Variants in SKP1 observed in about 807,000 individuals in gnomAD.
The protein encoded by SKP1 is S-phase kinase associated protein 1, also known as S-phase kinase-associated protein 1.
SKP1 carries 1 observed loss-of-function variant against 21.5 expected under a neutral mutation model. The ratio of observed to expected loss-of-function variants is 0.05; its 90% CI spans 0.02 to 0.22. SKP1 has a LOEUF of 0.22. Ranked by LOEUF, SKP1 falls within the 10% of genes least tolerant of loss-of-function variation. The probability of loss-of-function intolerance (pLI) is 1.00; values close to 1 mark genes in which losing one functional copy is unlikely to be tolerated. For synonymous variants in SKP1, 59 were observed against 59.3 expected (o/e 0.99, Z 0.03); for missense variants, 70 against 192.0 (o/e 0.36, Z 3.76).
intron 3 of SKP1, among the ~76,000 whole-genome samples, chr5:134,166,804 A>T (rs1263362318): frequency 6.6e-6 from 1 of 152,172 alleles, no homozygotes; most frequent in Admixed American, 6.5e-5. Flanking sequence ...CATGCTCTAG[A>T]AGTGGTATCT....
intron 3 of SKP1, among the ~76,000 whole-genome samples, chr5:134,166,580 C>CAAGAA (rs1761336593): frequency 1.9e-5 from 1 of 52,528 alleles, no homozygotes; most frequent in Non-Finnish European, 3.1e-5. Context: ...ACTCTGGTCT[C>CAAGAA]AAAAAAAAAA....
chr5:134,158,197 A>G lies in SKP1; in HGVS notation c.456+258T>C, dbSNP rs17167331. The stretch of plus-strand genomic sequence containing the variant: ...GTCTATACAGAAAGTTGCAGGTGCC[A>G]AAACTAGTAACTGTTAATACATTAA... On this transcript the variant is annotated intron_variant, in intron 5 of 5. Coordinates refer to ENST00000353411, the MANE Select transcript of SKP1 (RefSeq NM_170679.3). The G allele has an allele frequency of 0.012, 16,965 of 1,404,792 alleles. 933 individuals carry two copies. The African/African-American group carries it at 0.16, about 13-fold the overall frequency. The allele number at this position is 1,404,792 out of a possible 1,614,324, so 87.0% of individuals were successfully genotyped here.
intron 4 of SKP1, among the ~76,000 whole-genome samples, chr5:134,160,375 T>C (rs991493869): frequency 1.3e-5 from 2 of 151,516 alleles, no homozygotes; most frequent in Non-Finnish European, 2.9e-5. Flanking sequence ...TATATATATA[T>C]AATATTTTAT....
intron 2 of SKP1, among the ~76,000 whole-genome samples, chr5:134,167,645 CCCCGAGTAGCTGGG>C (rs1761357436): frequency 6.7e-6 from 1 of 150,368 alleles, no homozygotes; most frequent in South Asian, 2.1e-4. Flanking sequence ...GCCTCAGCCT[CCCCGAGTAGCTGGG>C]ACTATAGGCA....
At position 134,174,315 on chromosome 5, in the gene SKP1, C is replaced by T. The variant is rs1580624474; in HGVS notation, c.1-293G>A. The stretch of plus-strand genomic sequence containing the variant: ...AAACATACATATTTGTATTTGCTTT[C>T]TGCCTGCCTTTCGTCTCCCACTGAA... On this transcript the variant is annotated intron_variant, in intron 1 of 5. Coordinates refer to ENST00000353411, the MANE Select transcript of SKP1 (RefSeq NM_170679.3). 1.2e-5 allele frequency: 3 copies of T among 257,876 alleles called. No homozygotes were observed. In the East Asian group the frequency reaches 2.8e-4, roughly 24 times the overall value. The allele number at this position is 257,876 out of a possible 1,614,324, so 16.0% of individuals were successfully genotyped here. A position where few individuals can be genotyped will look rare whatever the true frequency, so the allele number is the denominator to read the frequency against.
rs966839467 is a variant in SKP1 at position 134,152,059 on chromosome 5, T to C, written c.*5674A>G. ...ATCTTGATATGCACAGCCAGTTCTCTTACTCATTCTCTGTGACCACTGGAG... is the reference window on the plus strand; with the variant it reads ...ATCTTGATATGCACAGCCAGTTCTCCTACTCATTCTCTGTGACCACTGGAG... On this transcript the variant is annotated 3_prime_UTR_variant, in exon 6 of 6. Transcript: ENST00000353411. The C allele has an allele frequency of 6.2e-6, 1 of 160,158 alleles. No individual in the cohort carries two copies. Among genetic ancestry groups the C allele is most frequent in the Non-Finnish European group, 1.4e-5 (1 of 72,494 alleles). The allele number at this position is 160,158 out of a possible 1,614,324, so 9.9% of individuals were successfully genotyped here.
chr5:134,173,804 T>TAAACTTTACCTCTC, intron 2 of SKP1, 122 bp downstream of exon 2: 1 of 724,070 alleles, frequency 1.4e-6, no homozygotes, highest in Non-Finnish European at 2.6e-6. Flanking sequence ...GAAAAAAATG[T>TAAACTTTACCTCTC]AAACTTTACC....
chr5:134,170,908 T>C (rs1761426760), intron 2 of SKP1: 1 of 416,864 alleles, frequency 2.4e-6, no homozygotes, highest in Non-Finnish European at 4.7e-6. Context: ...AGGCAGCAAT[T>C]CGGGTATCAG....
chr5:134,175,290 T>C (rs1310832601), intron 1 of SKP1: 1 of 152,224 alleles, frequency 6.6e-6, no homozygotes, highest in Non-Finnish European at 1.5e-5. Context: ...CTACTCTCAC[T>C]CATCCATAGT....
chr5:134,169,751 C>T (rs1213163604), intron 2 of SKP1, among the ~76,000 whole-genome samples: 1 of 151,986 alleles, frequency 6.6e-6, no homozygotes, highest in East Asian at 1.9e-4. Flanking sequence ...CCTGTAATCC[C>T]AGCACTTTGG....
chr5:134,172,789 G>T (rs1761468034), intron 2 of SKP1, among the ~76,000 whole-genome samples: 1 of 152,032 alleles, frequency 6.6e-6, no homozygotes, highest in Non-Finnish European at 1.5e-5. Flanking sequence ...CAGGCGGGTG[G>T]ATCGCAAGGT....
chr5:134,161,548 T>C (rs1761220304), intron 3 of SKP1: 1 of 153,156 alleles, frequency 6.5e-6, no homozygotes, highest in South Asian at 2.1e-4. Flanking sequence ...TCAACTTTAC[T>C]AGAAGCAAAA....
In SKP1 at chr5:134,167,194, A is replaced by C; in HGVS notation, c.147T>G (p.Asn49Lys). Residue 49 changes from asparagine (N) to lysine (K), a missense_variant, in exon 3 of 6, where the codon AAT becomes AAG. Asn to Lys is a moderately conservative substitution (Grantham distance 94). Transcript: ENST00000353411. ...EGDDDPVPLP[N>K]VNAAILKKVI... ...CCTTTTTTAATATTGCTGCATTCAC[A>C]TTTGGTAGAGGAACTGGGTCATCAT... 6.2e-7 allele frequency: 1 copy of C among 1,605,518 alleles called. No homozygotes were observed. Among genetic ancestry groups the C allele is most frequent in the Non-Finnish European group, 8.5e-7 (1 of 1,172,364 alleles).
At chr5:134,159,897 G>A (rs938613784) in intron 4 of SKP1, among the ~76,000 whole-genome samples, 1 of 150,676 alleles carries the variant, frequency 6.6e-6, no homozygotes, top group African/African-American at 2.4e-5. Flanking sequence ...TGGCCAGGCT[G>A]GTCTTGAACT....
intron 4 of SKP1, among the ~76,000 whole-genome samples, chr5:134,159,940 C>T (rs894306374): frequency 1.3e-5 from 2 of 152,104 alleles, no homozygotes; most frequent in Non-Finnish European, 2.9e-5. Context: ...GCCTCACCCT[C>T]CCAAAGTGTT....
rs1266001357 is a variant in SKP1 at position 134,167,255 on chromosome 5, A to G, written c.98-12T>C. 3 of 1,559,548 alleles carry G rather than the reference A, an allele frequency of 1.9e-6. No individual in the cohort carries two copies. The highest frequency in any genetic ancestry group is 2.7e-6 in the Non-Finnish European group (3 of 1,131,184). On this transcript the variant is annotated splice_polypyrimidine_tract_variant and intron_variant, in intron 2 of 5. Coordinates refer to ENST00000353411, the MANE Select transcript of SKP1 (RefSeq NM_170679.3). Reference sequence around the variant, plus strand: ...ATCCATTCCCAAATCTAAGAAAACCAGAAGAAAGTTTCTATTTCCTAATTC... The same window carrying G: ...ATCCATTCCCAAATCTAAGAAAACCGGAAGAAAGTTTCTATTTCCTAATTC...
chr5:134,162,273 G>C (rs1398790381), intron 3 of SKP1, among the ~76,000 whole-genome samples: 1 of 152,070 alleles, frequency 6.6e-6, no homozygotes. Flanking sequence ...GCTCATTTTT[G>C]TATTTTGTTT....
Position 134,157,783 on chromosome 5 carries a change from T to C in SKP1, c.457-15A>G. The C allele has an allele frequency of 1.9e-6, 3 of 1,613,348 alleles. No homozygotes were observed. The highest frequency in any genetic ancestry group is 1.3e-5 in the African/African-American group (1 of 75,038). On this transcript the variant is annotated splice_polypyrimidine_tract_variant and intron_variant, in intron 5 of 5. Coordinates refer to ENST00000353411, the MANE Select transcript of SKP1 (RefSeq NM_170679.3). ...TCTTTGCGTACCTAAAAGAGATGGA[T>C]ATAGGGAAGTACCTTAACTTGAGTA...
intron 5 of SKP1, chr5:134,158,026 A>C (rs1761150254): frequency 6.8e-7 from 1 of 1,480,716 alleles, no homozygotes; most frequent in Non-Finnish European, 9.0e-7. Flanking sequence ...AATTCAGTTA[A>C]TTCATTCACA....
Sources: allele counts gnomAD v4.1 joint callset (sites outside exome capture counted in the v4.1 genomes callset), GRCh38; gene constraint gnomAD v4.1.1; transcripts MANE v1.5; gene names NCBI Gene and HGNC (gene_info 2026-07-23, HGNC 2026-07-21).